The following CPEB2 variants were observed in gnomAD, a reference collection of about 807,000 sequenced individuals.
CPEB2 encodes cytoplasmic polyadenylation element binding protein 2, also known as cytoplasmic polyadenylation element-binding protein 2.
In CPEB2, 56 loss-of-function variants were observed where a neutral mutation model predicts 93.6. That is an observed-to-expected ratio of 0.60 (90% CI 0.48 to 0.75). The LOEUF (loss-of-function observed/expected upper bound fraction) is 0.75. Ranked by LOEUF, CPEB2 falls within the 30% of genes least tolerant of loss-of-function variation. CPEB2 has a pLI of 0.00. For missense variants in CPEB2, 1,579 were observed against 1,395.1 expected (o/e 1.13, Z -2.10); for synonymous variants, 764 against 586.3 (o/e 1.30, Z -4.38).
At chr4:15,022,765 C>T (rs752050453) in intron 4 of CPEB2, among the ~76,000 whole-genome samples, 21 of 151,916 alleles carry the variant, frequency 1.4e-4, no homozygotes, top group Non-Finnish European at 2.9e-4. Context: ...TTGACCCTTC[C>T]ACTACTAAGA....
intron 1 of CPEB2, 149 bp from the exon 2 acceptor site, chr4:15,007,156 C>A: frequency 3.4e-6 from 2 of 594,640 alleles, no homozygotes; most frequent in Non-Finnish European, 5.3e-6. Flanking sequence ...AGAAAGATCT[C>A]AAGACTGTTA....
intron 3 of CPEB2, among the ~76,000 whole-genome samples, chr4:15,014,523 A>G (rs1193586318): frequency 6.6e-6 from 1 of 152,020 alleles, no homozygotes; most frequent in Non-Finnish European, 1.5e-5. Context: ...ATTCAGGTTC[A>G]TAGCAAGCCA....
intron 11 of CPEB2, among the ~76,000 whole-genome samples, chr4:15,065,631 A>G (rs1415209070): frequency 3.3e-5 from 5 of 152,082 alleles, no homozygotes; most frequent in East Asian, 3.9e-4. Context: ...GACCTTCACA[A>G]CGGGACTTGT....
At chr4:15,050,281 T>G (rs901432692) in intron 6 of CPEB2, among the ~76,000 whole-genome samples, 1 of 152,158 alleles carries the variant, frequency 6.6e-6, no homozygotes, top group Non-Finnish European at 1.5e-5. Flanking sequence ...TGTGTGCTCC[T>G]TATGAGAATC....
chr4:15,049,295 T>C (rs1314328137), intron 6 of CPEB2, among the ~76,000 whole-genome samples: 2 of 152,074 alleles, frequency 1.3e-5, no homozygotes, highest in African/African-American at 4.8e-5. Flanking sequence ...GTGATCCATA[T>C]TTTTTCTCAA....
At chr4:15,062,351 C>G in intron 11 of CPEB2, 91 bp downstream of exon 11, 1 of 891,972 alleles carries the variant, frequency 1.1e-6, no homozygotes, top group Non-Finnish European at 1.6e-6. Flanking sequence ...ATAATTTGAA[C>G]ACTTTAATTT....
At position 15,066,370 on chromosome 4, in the gene CPEB2, G is replaced by A. The variant is rs533201180; in HGVS notation, c.3095G>A (p.Arg1032His). ...GATCGCCCACGTCAGATCCACTTCC[G>A]CTGGAACTAAGAATAGCAAACTGGC... ...GADRPRQIHF[R>H]WN is the part of the protein sequence containing the mutation. The change falls in exon 12 of 12, where the codon CGC (arginine) becomes CAC (histidine). Residue 1032 changes from arginine to histidine, a missense_variant. Arg to His is a conservative substitution (Grantham distance 29). This residue lies in a region of CPEB2 where 168 missense variants were observed against 339.1 expected (regional missense o/e 0.50). Transcript: ENST00000538197. The A allele has an allele frequency of 2.2e-5, 35 of 1,599,586 alleles. No individual in the cohort carries two copies. Among genetic ancestry groups the A allele is most frequent in the Non-Finnish European group, 2.9e-5 (34 of 1,171,748 alleles).
chr4:15,056,873 AG>A (rs1445744921), intron 8 of CPEB2, among the ~76,000 whole-genome samples: 1 of 152,168 alleles, frequency 6.6e-6, no homozygotes, highest in Non-Finnish European at 1.5e-5. Flanking sequence ...GACTTGCATC[AG>A]GTAAGTCATA....
chr4:15,051,604 C>T (rs1170986431), intron 6 of CPEB2, among the ~76,000 whole-genome samples: 2 of 152,186 alleles, frequency 1.3e-5, no homozygotes, highest in Non-Finnish European at 2.9e-5. Flanking sequence ...AGGAAATCAT[C>T]CTTTTATTTG....
At position 15,003,405 on chromosome 4, in the gene CPEB2, C is replaced by G; in HGVS notation, c.732C>G (p.Leu244=). The G allele has an allele frequency of 2.2e-6, 3 of 1,365,734 alleles. No homozygotes were observed. The highest frequency in any genetic ancestry group is 1.8e-5 in the South Asian group (1 of 55,506). 84.6% of individuals were successfully genotyped at this position (1,365,734 alleles called of 1,614,324 possible). Residue 244 remains leucine (L), a synonymous_variant, in exon 1 of 12, where the codon CTC becomes CTG. Coordinates refer to ENST00000538197, the MANE Select transcript of CPEB2 (RefSeq NM_001177382.2). The part of the protein sequence containing the change: ...QQFSLLHQQH[L]SPQDFAPRQR... ...TCAGCCTCCTGCATCAGCAGCACCTCTCGCCGCAGGACTTCGCCCCGCGGC... is the reference window on the plus strand; with the variant it reads ...TCAGCCTCCTGCATCAGCAGCACCTGTCGCCGCAGGACTTCGCCCCGCGGC...
chr4:15,061,831 G>A (rs1049470855), intron 10 of CPEB2, among the ~76,000 whole-genome samples: 2 of 146,722 alleles, frequency 1.4e-5, no homozygotes, highest in African/African-American at 5.1e-5. Flanking sequence ...TTCTCTATAG[G>A]ACAGAAGATA....
chr4:15,057,200 A>T lies in CPEB2; in HGVS notation c.2462-1221A>T, dbSNP rs1728793393. ...TTGAAATTGTTTCCAGCAGTGTAAAAAATCTAAGACATGTTTTTTAATCCT... is the reference window on the plus strand; with the variant it reads ...TTGAAATTGTTTCCAGCAGTGTAAATAATCTAAGACATGTTTTTTAATCCT... On this transcript the variant is annotated intron_variant, in intron 8 of 11. Transcript: ENST00000538197. 5.3e-5 allele frequency among the ~76,000 whole-genome samples: 8 copies of T among 152,280 alleles called. No individual in the cohort carries two copies. The South Asian group carries it at 1.7e-3, about 32-fold the overall frequency.
chr4:15,059,339 T>C, intron 10 of CPEB2, 38 bp downstream of exon 10: 2 of 1,269,426 alleles, frequency 1.6e-6, no homozygotes, highest in Non-Finnish European at 2.3e-6. Context: ...AAAAAAATCA[T>C]TTAAATATGT....
chr4:15,062,392 T>C, intron 11 of CPEB2, 132 bp downstream of exon 11: 1 of 538,878 alleles, frequency 1.9e-6, no homozygotes, highest in Middle Eastern at 4.7e-4. Flanking sequence ...AAGGATATTA[T>C]ATAAAAATAT....
At chr4:15,038,391 AT>A (rs1165682074) in intron 5 of CPEB2, among the ~76,000 whole-genome samples, 1 of 152,140 alleles carries the variant, frequency 6.6e-6, no homozygotes, top group African/African-American at 2.4e-5. Flanking sequence ...TGATGAAAAT[AT>A]TTTTATTTGC....
At chr4:15,018,554 T>A (rs1254291493) in intron 4 of CPEB2, among the ~76,000 whole-genome samples, 1 of 151,346 alleles carries the variant, frequency 6.6e-6, no homozygotes, top group Non-Finnish European at 1.5e-5. Flanking sequence ...GGTCTTGGTC[T>A]TTTTCACTGT....
chr4:15,058,686 C>A (rs971362524), intron 9 of CPEB2, 147 bp downstream of exon 9: 1 of 602,354 alleles, frequency 1.7e-6, no homozygotes, highest in Non-Finnish European at 3.0e-6. Flanking sequence ...AGCAGGAGTC[C>A]CCAACCCCTG....
intron 10 of CPEB2, among the ~76,000 whole-genome samples, chr4:15,061,577 G>A (rs554224758): frequency 6.6e-6 from 1 of 151,160 alleles, no homozygotes; most frequent in Non-Finnish European, 1.5e-5. Flanking sequence ...GGAATTGGGG[G>A]GAATACTGGA....
In CPEB2 at chr4:15,003,759, AGGAGGC is replaced by A. The variant is rs1560206917; in HGVS notation, c.1092_1097del (p.Gly368_Gly369del). 6 of 1,101,906 alleles carry A rather than the reference AGGAGGC, an allele frequency of 5.4e-6. No homozygotes were observed. The highest frequency in any genetic ancestry group is 3.7e-5 in the South Asian group (1 of 26,696). The allele number at this position is 1,101,906 out of a possible 1,614,324, so 68.3% of individuals were successfully genotyped here. On this transcript the variant is annotated inframe_deletion, in exon 1 of 12. Transcript: ENST00000538197. ...GCGGCGGCGGGGGCGGGGGGCCCCC[AGGAGGC>A]GGAGGGGGAGGCGGCTCCGCGTCGC... is the stretch of plus-strand genomic sequence containing the variant.
Sources: allele counts gnomAD v4.1 joint callset (sites outside exome capture counted in the v4.1 genomes callset), GRCh38; gene constraint gnomAD v4.1.1; regional missense constraint gnomAD v4.1.1; transcripts MANE v1.5; gene names NCBI Gene and HGNC (gene_info 2026-07-23, HGNC 2026-07-21).